Variants in CCDC192 observed in about 807,000 individuals in gnomAD.
CCDC192 encodes coiled-coil domain containing 192.
chr5:127,891,425 C>T (rs932335864), intron 6 of CCDC192, among the ~76,000 whole-genome samples: 9 of 152,194 alleles, frequency 5.9e-5, no homozygotes, highest in African/African-American at 1.9e-4. Flanking sequence ...TTTCATCTTT[C>T]CACTACCAAA....
rs562960272 is a variant in CCDC192 at position 127,876,057 on chromosome 5, A to C, written c.535+396A>C. On this transcript the variant is annotated intron_variant, in intron 6 of 6. Transcript: ENST00000514853. ...TGACAGACTAGGGCACAGGGAAGAG[A>C]ACAGAATTTTTTTTTTTTTTTTTTT... 3.5e-4 allele frequency among the ~76,000 whole-genome samples: 41 copies of C among 116,808 alleles called. No individual in the cohort carries two copies. The South Asian group carries it at 0.01, about 29-fold the overall frequency. The allele number at this position is 116,808 out of a possible 152,430, so 76.6% of individuals were successfully genotyped here. A position where few individuals can be genotyped will look rare whatever the true frequency, so the allele number is the denominator to read the frequency against.
chr5:127,718,281 G>C (rs973514526), intron 2 of CCDC192, among the ~76,000 whole-genome samples: 1 of 152,158 alleles, frequency 6.6e-6, no homozygotes, highest in African/African-American at 2.4e-5. Flanking sequence ...AAAACACGTG[G>C]CACTGAAACA....
intron 6 of CCDC192, among the ~76,000 whole-genome samples, chr5:127,905,915 G>A (rs920846773): frequency 1.3e-5 from 2 of 152,206 alleles, no homozygotes; most frequent in Non-Finnish European, 2.9e-5. Context: ...TATCATTCCT[G>A]AGGGGAAATC....
intron 5 of CCDC192, among the ~76,000 whole-genome samples, chr5:127,835,445 G>A (rs1749992959): frequency 6.6e-6 from 1 of 152,154 alleles, no homozygotes; most frequent in Non-Finnish European, 1.5e-5. Flanking sequence ...TTGCATGCTG[G>A]ATGTCTCTTT....
intron 5 of CCDC192, among the ~76,000 whole-genome samples, chr5:127,808,867 T>C (rs1757932443): frequency 6.6e-6 from 1 of 152,200 alleles, no homozygotes; most frequent in East Asian, 1.9e-4. Context: ...CCTTGTTCAA[T>C]GAATGAGAAT....
In CCDC192 at chr5:127,786,733, G is replaced by A. The variant is rs1756560943; in HGVS notation, c.223-10370G>A. On this transcript the variant is annotated intron_variant, in intron 3 of 6. Coordinates refer to ENST00000514853, the MANE Select transcript of CCDC192 (RefSeq NM_001317938.2). ...CTCTTGTCCATCAAATCTTCTCCATGCTTAAGAAGACTTGTCAAGTAATTA... is the reference window on the plus strand; with the variant it reads ...CTCTTGTCCATCAAATCTTCTCCATACTTAAGAAGACTTGTCAAGTAATTA... 3 of 715,540 alleles carry A rather than the reference G, an allele frequency of 4.2e-6. No homozygotes were observed. The East Asian group carries it at 7.5e-5, about 18-fold the overall frequency. 44.3% of individuals were successfully genotyped at this position (715,540 alleles called of 1,614,324 possible).
intron 2 of CCDC192, among the ~76,000 whole-genome samples, chr5:127,719,502 CATACATAT>C (rs1561444813): frequency 3.3e-5 from 2 of 60,776 alleles, no homozygotes; most frequent in East Asian, 5.8e-4. Flanking sequence ...TATACACACA[CATACATAT>C]ATATATATAT....
In CCDC192 at chr5:127,867,892, GA is replaced by G. The variant is rs550731343; in HGVS notation, c.412-7642del. On this transcript the variant is annotated intron_variant, in intron 5 of 6. Transcript: ENST00000514853. ...AAAAGATTTGGCAGCATTACCCAAA[GA>G]AAAGAACCTGCAAGTAGAACCTCCT... Among the ~76,000 whole-genome samples the G allele has an allele frequency of 1.3e-3, 192 of 152,132 alleles. 1 individual carries two copies. The highest frequency in any genetic ancestry group is 4.5e-3 in the African/African-American group (189 of 41,548).
At chr5:127,731,387 C>T (rs1018745053) in intron 2 of CCDC192, among the ~76,000 whole-genome samples, 4 of 152,162 alleles carry the variant, frequency 2.6e-5, no homozygotes, top group Non-Finnish European at 5.9e-5. Flanking sequence ...AATGGAAAAA[C>T]ATTCCATGCT....
At chr5:127,786,102 A>T in intron 3 of CCDC192, 2 of 970,420 alleles carry the variant, frequency 2.1e-6, no homozygotes, top group South Asian at 1.4e-5. Context: ...CCAAATCTTC[A>T]TTTTTGTCAG....
chr5:127,926,573 T>C (rs948675043), intron 6 of CCDC192, among the ~76,000 whole-genome samples: 3 of 152,112 alleles, frequency 2.0e-5, no homozygotes, highest in African/African-American at 7.2e-5. Context: ...GAAGTCTAAA[T>C]CAACAGAACT....
chr5:127,844,270 C>T (rs1750428199), intron 5 of CCDC192, among the ~76,000 whole-genome samples: 1 of 152,182 alleles, frequency 6.6e-6, no homozygotes, highest in Non-Finnish European at 1.5e-5. Context: ...TGAAGCTGTG[C>T]TAGCTTAATC....
intron 6 of CCDC192, among the ~76,000 whole-genome samples, chr5:127,883,043 G>C (rs1752418280): frequency 6.6e-6 from 1 of 152,170 alleles, no homozygotes; most frequent in East Asian, 1.9e-4. Context: ...TTGAGATGCT[G>C]GGACTTCGTC....
Position 127,924,973 on chromosome 5 carries a change from C to T in CCDC192, c.536-16209C>T, listed in dbSNP as rs571295061. 4.6e-5 allele frequency among the ~76,000 whole-genome samples: 7 copies of T among 152,286 alleles called. No homozygotes were observed. The East Asian group carries it at 1.4e-3, about 29-fold the overall frequency. On this transcript the variant is annotated intron_variant, in intron 6 of 6. Coordinates refer to ENST00000514853, the MANE Select transcript of CCDC192 (RefSeq NM_001317938.2). ...ATAGCCACAGAATTTTTTGACATCT[C>T]TAAAAATTATATTATTTTTCTATTT...
At chr5:127,772,560 T>C (rs13155734) in intron 3 of CCDC192, among the ~76,000 whole-genome samples, 118,116 of 151,862 alleles carry the variant, frequency 0.78, 46,075 homozygotes, top group East Asian at 0.9. Flanking sequence ...TGCAAGATAT[T>C]GGCAGTAATT....
At chr5:127,923,852 C>T (rs1031450137) in intron 6 of CCDC192, among the ~76,000 whole-genome samples, 1 of 152,190 alleles carries the variant, frequency 6.6e-6, no homozygotes, top group Non-Finnish European at 1.5e-5. Flanking sequence ...TCTCTTCCAA[C>T]TTTCAGACAA....
rs1750088576 is a variant in CCDC192, at chr5:127,837,728, ACCTGTAAT to A, written c.412-37807_412-37800del. Among the ~76,000 whole-genome samples the A allele has an allele frequency of 2.0e-5, 3 of 152,170 alleles. No homozygotes were observed. The South Asian group carries it at 6.2e-4, about 31-fold the overall frequency. On this transcript the variant is annotated intron_variant, in intron 5 of 6. Transcript: ENST00000514853. ...GATTCTGGCTAATTCAGTGGCTCACACCTGTAATCCCAGCACTTTGGGAGGTCGAAGTG... is the reference window on the plus strand; with the variant it reads ...GATTCTGGCTAATTCAGTGGCTCACACCCAGCACTTTGGGAGGTCGAAGTG...
intron 5 of CCDC192, among the ~76,000 whole-genome samples, chr5:127,803,108 G>A (rs953771888): frequency 1.3e-5 from 2 of 152,152 alleles, no homozygotes; most frequent in Admixed American, 6.5e-5. Flanking sequence ...AATTAACAAC[G>A]TAATGTCTTG....
chr5:127,919,869 G>C (rs2127188275), intron 6 of CCDC192, among the ~76,000 whole-genome samples: 1 of 152,306 alleles, frequency 6.6e-6, no homozygotes, highest in South Asian at 2.1e-4. Context: ...ACAGTGGATA[G>C]ATGCACTATT....
Sources: allele counts gnomAD v4.1 joint callset (sites outside exome capture counted in the v4.1 genomes callset), GRCh38; gene constraint gnomAD v4.1.1; transcripts MANE v1.5; gene names NCBI Gene and HGNC (gene_info 2026-07-23, HGNC 2026-07-21).